Variants in TBC1D1 observed in about 807,000 individuals in gnomAD.
TBC1D1 encodes TBC1 domain family member 1.
A neutral mutation model predicts 125.6 loss-of-function variants in TBC1D1; 89 were observed. The ratio of observed to expected loss-of-function variants is 0.71; its 90% confidence interval spans 0.60 to 0.85. TBC1D1 has a LOEUF of 0.85. Among genes scored for constraint, TBC1D1 ranks in the 40% least tolerant of loss-of-function variants. The pLI is 0.00. For missense variants in TBC1D1, 1,377 were observed against 1,469.2 expected, an observed-to-expected ratio of 0.94 and a Z score of 1.03; for synonymous variants, 565 against 564.1, an observed-to-expected ratio of 1.00 and a Z score of -0.02.
intron 13 of TBC1D1, among the ~76,000 whole-genome samples, chr4:38,093,711 G>A (rs968020150): frequency 1.3e-5 from 2 of 151,912 alleles, no homozygotes; most frequent in African/African-American, 4.8e-5. Context: ...AGTAGTAGTA[G>A]TAGTAGAGAT....
chr4:37,986,840 G>A (rs1317168386), intron 2 of TBC1D1, among the ~76,000 whole-genome samples: 1 of 152,020 alleles, frequency 6.6e-6, no homozygotes, highest in Non-Finnish European at 1.5e-5. Flanking sequence ...GGGTTGGGGT[G>A]GGTGGGGATC....
At position 38,014,655 on chromosome 4, in the gene TBC1D1, T is replaced by C. The variant is rs1040392038; in HGVS notation, c.564T>C (p.Ala188=). 1 of 1,613,148 alleles carries C rather than the reference T, an allele frequency of 6.2e-7. No individual in the cohort carries two copies. The highest frequency in any genetic ancestry group is 1.1e-5 in the South Asian group (1 of 91,078). The change falls in exon 3 of 20, where the codon GCT becomes GCC. Residue 188 remains alanine, a synonymous_variant. Transcript: ENST00000261439. The surrounding 1 kb of genome is among the most constrained non-coding windows in gnomAD (Gnocchi z 5.1). ...GCGTGACGGTGGCGCACAAGAAGGC[T>C]CCGCCGGCCCTGATCGACGAGTGCA...
chr4:37,900,901 A>G (rs139033493), intron 1 of TBC1D1, among the ~76,000 whole-genome samples: 5,239 of 151,892 alleles, frequency 0.034, 290 homozygotes, highest in African/African-American at 0.12. Context: ...GTGAAACCCC[A>G]TCTCTACTAA....
At chr4:37,935,459 C>T (rs1428406531) in intron 2 of TBC1D1, among the ~76,000 whole-genome samples, 1 of 152,192 alleles carries the variant, frequency 6.6e-6, no homozygotes, top group African/African-American at 2.4e-5. Flanking sequence ...TCTCCTTCAT[C>T]ATCCCAGATC....
chr4:38,015,831 G>A (rs1412824565), intron 3 of TBC1D1, among the ~76,000 whole-genome samples: 8 of 152,178 alleles, frequency 5.3e-5, no homozygotes, highest in African/African-American at 1.9e-4. Flanking sequence ...GGTTAGTGCA[G>A]TGTGGATGTG....
chr4:37,960,781 A>C (rs1312087837), intron 2 of TBC1D1: 2 of 1,613,920 alleles, frequency 1.2e-6, no homozygotes, highest in Non-Finnish European at 1.7e-6. Context: ...GAAATAGAAA[A>C]ATTCTTTCCC....
intron 5 of TBC1D1, 117 bp from the exon 6 acceptor site, chr4:38,021,469 G>T (rs933544712): frequency 1.2e-6 from 1 of 802,644 alleles, no homozygotes; most frequent in East Asian, 3.1e-5. Flanking sequence ...CCTGTGAAGA[G>T]TAGTACAGAA....
At chr4:37,942,139 T>C (rs909903479) in intron 2 of TBC1D1, among the ~76,000 whole-genome samples, 6 of 152,188 alleles carry the variant, frequency 3.9e-5, no homozygotes, top group Admixed American at 2.6e-4. Flanking sequence ...AAGTCTCCCA[T>C]TATTATTGTG....
At chr4:38,100,989 A>G (rs1042841219) in intron 14 of TBC1D1, among the ~76,000 whole-genome samples, 2 of 152,166 alleles carry the variant, frequency 1.3e-5, no homozygotes, top group African/African-American at 2.4e-5. Context: ...TCACCGGCCT[A>G]ATGACCTAGG....
Position 38,014,901 on chromosome 4 carries a change from G to C in TBC1D1, c.810G>C (p.Glu270Asp), listed in dbSNP as rs150047198. The C allele has an allele frequency of 9.9e-5, 158 of 1,601,576 alleles. No individual in the cohort carries two copies. In the African/African-American group the frequency reaches 1.7e-3, roughly 17 times the overall value. Residue 270 changes from glutamate (E) to aspartate (D), a missense_variant, in exon 3 of 20, where the codon GAG becomes GAC. By Grantham distance (45) the Glu-to-Asp change is conservative. Coordinates refer to ENST00000261439, the MANE Select transcript of TBC1D1 (RefSeq NM_015173.4). This position sits in a 1 kb window ranked among gnomAD's most constrained non-coding sequence, Gnocchi z 5.1. ...GCTCCTTCGAGGAGAGCGACATTGAGAACCACCTCATTAGCGGACACAATA... is the reference window on the plus strand; with the variant it reads ...GCTCCTTCGAGGAGAGCGACATTGACAACCACCTCATTAGCGGACACAATA...
intron 12 of TBC1D1, among the ~76,000 whole-genome samples, chr4:38,086,002 A>G (rs1404116028): frequency 6.6e-6 from 1 of 152,244 alleles, no homozygotes; most frequent in Non-Finnish European, 1.5e-5. Flanking sequence ...TGCATTGTTG[A>G]GAAAGCAGCT....
At chr4:37,991,935 G>A (rs1736658675) in intron 2 of TBC1D1, among the ~76,000 whole-genome samples, 1 of 152,216 alleles carries the variant, frequency 6.6e-6, no homozygotes, top group Non-Finnish European at 1.5e-5. Flanking sequence ...CAAAGGTATG[G>A]AGGTGGAAAC....
chr4:38,132,960 A>C (rs1765841441), intron 18 of TBC1D1, 124 bp from the exon 21 acceptor site: 1 of 674,090 alleles, frequency 1.5e-6, no homozygotes, highest in East Asian at 2.9e-5. Context: ...TTCTAGTACC[A>C]AGTGTAGAGC....
intron 12 of TBC1D1, among the ~76,000 whole-genome samples, chr4:38,084,321 G>A (rs893506931): frequency 6.6e-6 from 1 of 152,220 alleles, no homozygotes; most frequent in Non-Finnish European, 1.5e-5. Flanking sequence ...TCTCTTTGGA[G>A]TATTTTCCAT....
chr4:38,010,797 G>A (rs1017387437), intron 2 of TBC1D1, among the ~76,000 whole-genome samples: 1 of 152,052 alleles, frequency 6.6e-6, no homozygotes, highest in Non-Finnish European at 1.5e-5. Context: ...CTCAGTTCAG[G>A]CTCTCAACAT....
intron 2 of TBC1D1, among the ~76,000 whole-genome samples, chr4:37,950,098 T>C (rs1727521704): frequency 6.6e-6 from 1 of 152,188 alleles, no homozygotes; most frequent in African/African-American, 2.4e-5. Flanking sequence ...TCAGGATCTG[T>C]TTTTGGGGGA....
chr4:37,901,720 C>T (rs55985235), intron 1 of TBC1D1, among the ~76,000 whole-genome samples: 4,631 of 51,976 alleles, frequency 0.089, 118 homozygotes, highest in Non-Finnish European at 0.15. Context: ...AGCACTGTAT[C>T]GTCTTCTATC....
chr4:38,017,653 G>A (rs1394257702), intron 3 of TBC1D1, among the ~76,000 whole-genome samples: 2 of 152,312 alleles, frequency 1.3e-5, no homozygotes, highest in East Asian at 1.9e-4. Context: ...GAATGGCAGC[G>A]TCAGGATGTG....
At chr4:38,099,284 C>G (rs1348606075) in intron 14 of TBC1D1, among the ~76,000 whole-genome samples, 1 of 152,166 alleles carries the variant, frequency 6.6e-6, no homozygotes, top group Non-Finnish European at 1.5e-5. Context: ...ATAAGTAGAT[C>G]TGTATTTACT....
Sources: gnomAD v4.1 joint callset for allele counts (sites outside exome capture counted in the v4.1 genomes callset) on GRCh38, gnomAD v4.1.1 for gene constraint, Gnocchi (gnomAD v3.1) non-coding constraint, MANE v1.5 for transcripts, NCBI Gene and HGNC (gene_info 2026-07-23, HGNC 2026-07-21) for gene names.